NRXN3: variants seen among roughly 807,000 people sequenced by gnomAD.
NRXN3 encodes the protein neurexin III.
A neutral mutation model predicts 137.6 loss-of-function variants in NRXN3; 32 were observed. That is an observed-to-expected ratio of 0.23 (90% CI 0.18 to 0.31). The LOEUF is 0.31. NRXN3 is among the 10% of genes least tolerant of loss of function. The pLI is 1.00. For missense variants in NRXN3, 1,574 were observed against 2,062.5 expected (o/e 0.76, Z 4.59); for synonymous variants, 798 against 784.5 (o/e 1.02, Z -0.29).
chr14:78,581,821 T>A (rs1268891616), intron 4 of NRXN3, among the ~76,000 whole-genome samples: 1 of 152,176 alleles, frequency 6.6e-6, no homozygotes, highest in Non-Finnish European at 1.5e-5. Flanking sequence ...CAGGAGGAAC[T>A]GAAGAGAAAG....
At chr14:78,174,732 G>C (rs1389426361) in intron 1 of NRXN3, among the ~76,000 whole-genome samples, 1 of 152,146 alleles carries the variant, frequency 6.6e-6, no homozygotes, top group African/African-American at 2.4e-5. Flanking sequence ...TGGTCAGTGG[G>C]GAAGAGTCCT....
intron 19 of NRXN3, among the ~76,000 whole-genome samples, chr14:79,778,015 C>A (rs2099102595): frequency 6.6e-6 from 1 of 152,172 alleles, no homozygotes; most frequent in African/African-American, 2.4e-5. Context: ...TCTCTATAAA[C>A]CTCCTTTCTA....
chr14:79,847,817 AACGTGTTGAT>A (rs1187297296), intron 20 of NRXN3, among the ~76,000 whole-genome samples: 1 of 152,114 alleles, frequency 6.6e-6, no homozygotes, highest in Admixed American at 6.5e-5. Context: ...CCTTTCTCCC[AACGTGTTGAT>A]ACTGGTTAAG....
chr14:78,391,548 G>A (rs187364246), intron 4 of NRXN3, among the ~76,000 whole-genome samples: 1 of 152,036 alleles, frequency 6.6e-6, no homozygotes. Context: ...GCATATCTCA[G>A]TGGGACATGC....
intron 4 of NRXN3, among the ~76,000 whole-genome samples, chr14:78,634,371 TAAC>T (rs1008514669): frequency 1.3e-5 from 2 of 152,200 alleles, no homozygotes; most frequent in African/African-American, 4.8e-5. Flanking sequence ...GGTCTTTACT[TAAC>T]AAATTCTGGG....
At chr14:78,546,373 G>A (rs1417171206) in intron 4 of NRXN3, among the ~76,000 whole-genome samples, 1 of 151,994 alleles carries the variant, frequency 6.6e-6, no homozygotes, top group Non-Finnish European at 1.5e-5. Context: ...TCTGTAAATG[G>A]GCTATTCATG....
rs148276828 is a variant in NRXN3, at chr14:79,715,201, C to A, written c.4014+17264C>A. Among the ~76,000 whole-genome samples, 801 of 152,264 alleles carry A rather than the reference C, an allele frequency of 5.3e-3. 50 individuals are homozygous for A. In the East Asian group the frequency reaches 0.13, roughly 24 times the overall value. On this transcript the variant is annotated intron_variant, in intron 19 of 20. Transcript: ENST00000335750. The stretch of plus-strand genomic sequence containing the variant: ...ATCTCCTGACCTCGTGATCCACCCA[C>A]CTCAGCCTCCCAAAGAGCTGGGATT...
At chr14:79,857,925 G>A (rs919760772) in intron 20 of NRXN3, among the ~76,000 whole-genome samples, 14 of 151,984 alleles carry the variant, frequency 9.2e-5, no homozygotes, top group Admixed American at 3.9e-4. Flanking sequence ...CATTTTTATC[G>A]CTGCTACCGA....
In NRXN3 at chr14:79,684,074, CA is replaced by C. The variant is rs1203049687; in HGVS notation, c.3617-8093del. Among the ~76,000 whole-genome samples the C allele has an allele frequency of 3.9e-5, 6 of 152,054 alleles. No individual in the cohort carries two copies. In the East Asian group the frequency reaches 9.6e-4, roughly 24 times the overall value. On this transcript the variant is annotated intron_variant, in intron 17 of 20. Coordinates refer to ENST00000335750, the MANE Select transcript of NRXN3 (RefSeq NM_001330195.2). ...CTATTCAGGGACTAGAATGAATGCACAAAAAATATGCTTATTAAATTTGCAG... is the reference window on the plus strand; with the variant it reads ...CTATTCAGGGACTAGAATGAATGCACAAAAATATGCTTATTAAATTTGCAG...
intron 4 of NRXN3, among the ~76,000 whole-genome samples, chr14:78,575,976 T>C (rs921625656): frequency 6.6e-6 from 1 of 152,242 alleles, no homozygotes; most frequent in Non-Finnish European, 1.5e-5. Flanking sequence ...ATAGTTGACC[T>C]GACATTCACT....
At chr14:78,953,505 A>G (rs779664285) in intron 10 of NRXN3, among the ~76,000 whole-genome samples, 3 of 152,204 alleles carry the variant, frequency 2.0e-5, no homozygotes, top group Non-Finnish European at 4.4e-5. Context: ...TTCAATGAGG[A>G]TAGCTTGTGT....
intron 4 of NRXN3, among the ~76,000 whole-genome samples, chr14:78,516,032 TG>T (rs989014388): frequency 1.3e-5 from 2 of 152,184 alleles, no homozygotes; most frequent in African/African-American, 4.8e-5. Context: ...GTAAAAAGCT[TG>T]GCACAGTACC....
intron 10 of NRXN3, among the ~76,000 whole-genome samples, chr14:78,840,470 A>G (rs1428080595): frequency 6.6e-6 from 1 of 152,230 alleles, no homozygotes; most frequent in African/African-American, 2.4e-5. Context: ...CTGTTGGGAT[A>G]GTCAGAATAG....
intron 15 of NRXN3, among the ~76,000 whole-genome samples, chr14:79,066,073 C>A (rs141783075): frequency 6.6e-6 from 1 of 152,110 alleles, no homozygotes; most frequent in South Asian, 2.1e-4. Context: ...TTGCCCACGC[C>A]TAATTCCTGA....
chr14:78,295,640 T>C (rs1345561125), intron 3 of NRXN3, among the ~76,000 whole-genome samples: 1 of 152,184 alleles, frequency 6.6e-6, no homozygotes, highest in Admixed American at 6.5e-5. Context: ...TTGGGCAACT[T>C]GTTTAAAATT....
chr14:78,843,626 C>A (rs2099018863), intron 10 of NRXN3, among the ~76,000 whole-genome samples: 1 of 152,098 alleles, frequency 6.6e-6, no homozygotes, highest in Admixed American at 6.6e-5. Context: ...TCAATGAGAG[C>A]AGCAAAGGAA....
intron 15 of NRXN3, among the ~76,000 whole-genome samples, chr14:79,172,937 T>C (rs1348300573): frequency 1.3e-5 from 2 of 152,224 alleles, no homozygotes; most frequent in Non-Finnish European, 2.9e-5. Context: ...GGAAATTTAA[T>C]CACTTCCAAA....
At chr14:79,796,639 G>A (rs562365635) in intron 19 of NRXN3, among the ~76,000 whole-genome samples, 2 of 152,192 alleles carry the variant, frequency 1.3e-5, no homozygotes, top group East Asian at 3.9e-4. Flanking sequence ...AGCTTAGCTT[G>A]GTTTTTCTAC....
intron 6 of NRXN3, among the ~76,000 whole-genome samples, chr14:78,681,844 A>G (rs2098079253): frequency 6.6e-6 from 1 of 151,970 alleles, no homozygotes; most frequent in Non-Finnish European, 1.5e-5. Context: ...TCATTGCGTG[A>G]TTGATACTCG....
Sources: gnomAD v4.1 joint callset for allele counts (sites outside exome capture counted in the v4.1 genomes callset) on GRCh38, gnomAD v4.1.1 for gene constraint, MANE v1.5 for transcripts, NCBI Gene and HGNC (gene_info 2026-07-23, HGNC 2026-07-21) for gene names.